Variants in PCDHGB1 observed in about 807,000 individuals in gnomAD.
PCDHGB1 encodes the protein protocadherin gamma subfamily B, 1, also known as protocadherin gamma-B1.
A neutral mutation model predicts 56.6 loss-of-function variants in PCDHGB1; 34 were observed. The ratio of observed to expected loss-of-function variants is 0.60; its 90% CI spans 0.46 to 0.80. The LOEUF (loss-of-function observed/expected upper bound fraction) is 0.80, where lower values mean the gene tolerates loss of function less well. PCDHGB1 is among the 30% of genes least tolerant of loss of function. The probability of loss-of-function intolerance (pLI) is 0.00; values close to 1 mark genes in which losing one functional copy is unlikely to be tolerated. For synonymous variants in PCDHGB1, 561 were observed against 505.9 expected (o/e 1.11, Z -1.46); for missense variants, 1,278 against 1,204.6 (o/e 1.06, Z -0.90).
At chr5:141,355,142 C>T in intron 1 of PCDHGB1, 1 of 1,526,256 alleles carries the variant, frequency 6.6e-7, no homozygotes, top group Non-Finnish European at 8.8e-7. Flanking sequence ...GATCCTGGGG[C>T]TCCTCAGGCC....
At position 141,350,564 on chromosome 5, in the gene PCDHGB1, G is replaced by C. The variant is rs1265156661; in HGVS notation, c.304G>C (p.Glu102Gln). Residue 102 changes from glutamate to glutamine, a missense_variant, in exon 1 of 4, where the codon GAA (glutamate) becomes CAA (glutamine). Coordinates refer to ENST00000523390, the MANE Select transcript of PCDHGB1 (RefSeq NM_018922.3). The stretch of plus-strand genomic sequence containing the variant: ...CGGAAGGAAACTTGAGTGTGCACTA[G>C]AATTCGAAACGGTCGCTGAAAACCC... ...ICGRKLECAL[E>Q]FETVAENPMN... The C allele has an allele frequency of 5.6e-6, 9 of 1,613,938 alleles. No homozygotes were observed. The highest frequency in any genetic ancestry group is 7.6e-6 in the Non-Finnish European group (9 of 1,179,912).
At position 141,494,880 on chromosome 5, in the gene PCDHGB1, C is replaced by G. The variant is rs950094823; in HGVS notation, c.2468+15C>G. On this transcript the variant is annotated intron_variant, in intron 2 of 3. Transcript: ENST00000523390. ...GGCACCAGCGGGTAGGTGACTGATT[C>G]TCCAGCCCACCCTCTTCTCTGCGGC... The G allele has an allele frequency of 3.7e-6, 6 of 1,614,040 alleles. No individual in the cohort carries two copies. The African/African-American group carries it at 6.7e-5, about 18-fold the overall frequency.
intron 1 of PCDHGB1, chr5:141,413,527 G>A (rs768496934): frequency 1.2e-6 from 2 of 1,613,938 alleles, no homozygotes; most frequent in Non-Finnish European, 1.7e-6. Flanking sequence ...GGAAGACAGG[G>A]TGAAACTTTT....
chr5:141,468,680 C>T (rs1176643092), intron 1 of PCDHGB1: 1 of 151,074 alleles, frequency 6.6e-6, no homozygotes, highest in Non-Finnish European at 1.5e-5. Flanking sequence ...TCCTGGCTAA[C>T]ACGGTGAAAC....
At chr5:141,353,541 T>C (rs1218571073) in intron 1 of PCDHGB1, among the ~76,000 whole-genome samples, 1 of 152,230 alleles carries the variant, frequency 6.6e-6, no homozygotes, top group East Asian at 1.9e-4. Flanking sequence ...CATCACTAAC[T>C]TTGAGTCAAT....
chr5:141,481,877 G>A (rs535267598), intron 1 of PCDHGB1, among the ~76,000 whole-genome samples: 4 of 144,402 alleles, frequency 2.8e-5, no homozygotes, highest in African/African-American at 7.8e-5. Context: ...TCGCGCCACT[G>A]CACTCCAGCC....
intron 1 of PCDHGB1, chr5:141,371,022 C>T (rs758259761): frequency 1.2e-4 from 200 of 1,613,906 alleles, no homozygotes; most frequent in Non-Finnish European, 1.6e-4. Flanking sequence ...ACATCACCAC[C>T]TGGTCCTCAC....
chr5:141,389,286 T>C, intron 1 of PCDHGB1: 1 of 1,614,018 alleles, frequency 6.2e-7, no homozygotes, highest in Non-Finnish European at 8.5e-7. Context: ...GCCTGGAGCC[T>C]CTATTTCACA....
At position 141,422,108 on chromosome 5, in the gene PCDHGB1, A is replaced by G. The variant is rs766617894; in HGVS notation, c.2409+69439A>G. 4.4e-6 allele frequency: 7 copies of G among 1,606,984 alleles called. No homozygotes were observed. In the East Asian group the frequency reaches 1.6e-4, roughly 36 times the overall value. ...GAAAGCAAGGCTTCTGAAATATTCCAATTGGATTCACAAACTGGAGAAGTT... is the reference window on the plus strand; with the variant it reads ...GAAAGCAAGGCTTCTGAAATATTCCGATTGGATTCACAAACTGGAGAAGTT... On this transcript the variant is annotated intron_variant, in intron 1 of 3. Transcript: ENST00000523390.
intron 1 of PCDHGB1, chr5:141,410,627 TTC>T: frequency 6.2e-7 from 1 of 1,602,046 alleles, no homozygotes; most frequent in Admixed American, 1.7e-5. Flanking sequence ...TTCGGTGAGT[TTC>T]TCTTTTTTGT....
intron 1 of PCDHGB1, among the ~76,000 whole-genome samples, chr5:141,482,605 C>T (rs2099569133): frequency 6.7e-6 from 1 of 150,032 alleles, no homozygotes; most frequent in Admixed American, 6.6e-5. Flanking sequence ...GAAAAAACAC[C>T]TAAATGAGCC....
intron 1 of PCDHGB1, chr5:141,364,359 G>A: frequency 6.4e-7 from 1 of 1,558,664 alleles, no homozygotes; most frequent in Non-Finnish European, 8.7e-7. Flanking sequence ...GGCTGGGGCT[G>A]CGGAGAGCTG....
intron 1 of PCDHGB1, among the ~76,000 whole-genome samples, chr5:141,397,821 T>C (rs1225096146): frequency 2.0e-5 from 3 of 152,238 alleles, no homozygotes; most frequent in African/African-American, 7.2e-5. Context: ...AAACAATTAC[T>C]GCACTGGTTA....
intron 1 of PCDHGB1, among the ~76,000 whole-genome samples, chr5:141,353,275 A>G (rs1759233618): frequency 6.6e-6 from 1 of 152,266 alleles, no homozygotes; most frequent in South Asian, 2.1e-4. Flanking sequence ...CTATATTTTC[A>G]AGTCATTTTA....
At chr5:141,369,451 A>G (rs1235926631) in intron 1 of PCDHGB1, among the ~76,000 whole-genome samples, 3 of 152,150 alleles carry the variant, frequency 2.0e-5, no homozygotes, top group African/African-American at 7.2e-5. Context: ...AGGATTGCTT[A>G]AAGCCAGGTG....
chr5:141,382,577 A>T (rs533715089), intron 1 of PCDHGB1, among the ~76,000 whole-genome samples: 47 of 152,338 alleles, frequency 3.1e-4, no homozygotes, highest in Middle Eastern at 6.8e-3. Flanking sequence ...TCTAACAGGG[A>T]AATTTTGAAA....
At chr5:141,359,702 A>G (rs1341574293) in intron 1 of PCDHGB1, among the ~76,000 whole-genome samples, 1 of 152,168 alleles carries the variant, frequency 6.6e-6, no homozygotes, top group African/African-American at 2.4e-5. Flanking sequence ...CCGGAAGGAT[A>G]CCTAAGAAAC....
At chr5:141,415,656 T>C (rs1211470385) in intron 1 of PCDHGB1, 9 of 1,585,542 alleles carry the variant, frequency 5.7e-6, no homozygotes, top group African/African-American at 1.4e-5. Flanking sequence ...AAAAAAAGAT[T>C]GGTTTTTACT....
In PCDHGB1 at chr5:141,351,951, G is replaced by C; in HGVS notation, c.1691G>C (p.Gly564Ala). Reference sequence around the variant, plus strand: ...CCACGGGTGCTGTACCCCGCGCTGGGGCCTGATGGCTCCGCCCTCTTCGAT... The same window carrying C: ...CCACGGGTGCTGTACCCCGCGCTGGCGCCTGATGGCTCCGCCCTCTTCGAT... ...NAPRVLYPAL[G>A]PDGSALFDMV... Residue 564 changes from glycine (G) to alanine (A), a missense_variant, in exon 1 of 4, where the codon GGG (glycine) becomes GCG (alanine). Physicochemically the swap from Gly to Ala is moderately conservative, Grantham distance 60. Transcript: ENST00000523390. 1 of 1,613,068 alleles carries C rather than the reference G, an allele frequency of 6.2e-7. No homozygotes were observed. The highest frequency in any genetic ancestry group is 8.5e-7 in the Non-Finnish European group (1 of 1,179,740).
Sources: allele counts gnomAD v4.1 joint callset (sites outside exome capture counted in the v4.1 genomes callset), GRCh38; gene constraint gnomAD v4.1.1; transcripts MANE v1.5; gene names NCBI Gene and HGNC (gene_info 2026-07-23, HGNC 2026-07-21).